Variants in PCA3 observed in about 807,000 individuals in gnomAD.
PCA3 encodes prostate cancer associated 3.
chr9:76,772,260 T>A (rs148968486), intron 2 of PCA3, among the ~76,000 whole-genome samples: 177 of 152,334 alleles, frequency 1.2e-3, no homozygotes, highest in African/African-American at 4.0e-3. Context: ...CATAGCTTCT[T>A]AGCTACTGGT....
intron 2 of PCA3, among the ~76,000 whole-genome samples, chr9:76,776,320 A>G (rs184373439): frequency 5.5e-4 from 83 of 151,536 alleles, no homozygotes; most frequent in Non-Finnish European, 8.7e-4. Flanking sequence ...CTCCGATGTT[A>G]TTATTTCACT....
intron 2 of PCA3, among the ~76,000 whole-genome samples, chr9:76,774,453 T>TTTTTATTTATTTATTTATTTA (rs1554761597): frequency 0.041 from 4,967 of 121,932 alleles, 293 homozygotes; most frequent in Non-Finnish European, 0.056. Flanking sequence ...TTCAACCCTT[T>TTTTTATTTATTTATTTATTTA]TTTTTTTTTT....
chr9:76,767,416 G>A (rs28642099), intron 2 of PCA3, among the ~76,000 whole-genome samples: 8,583 of 151,056 alleles, frequency 0.057, 782 homozygotes, highest in African/African-American at 0.19. Context: ...GTGCCACTGC[G>A]CTCCAGCCTG....
intron 2 of PCA3, among the ~76,000 whole-genome samples, chr9:76,768,174 C>G (rs2130875386): frequency 6.6e-6 from 1 of 151,782 alleles, no homozygotes; most frequent in East Asian, 2.0e-4. Context: ...TGCCCTTGAA[C>G]TAGTACTTCC....
chr9:76,771,703 A>C (rs1225115525), intron 2 of PCA3, among the ~76,000 whole-genome samples: 1 of 152,146 alleles, frequency 6.6e-6, no homozygotes, highest in East Asian at 1.9e-4. Flanking sequence ...AACAGGAAAA[A>C]CCAAACCTAA....
intron 2 of PCA3, among the ~76,000 whole-genome samples, chr9:76,775,923 T>C (rs983729772): frequency 6.6e-6 from 1 of 151,546 alleles, no homozygotes; most frequent in Non-Finnish European, 1.5e-5. Context: ...TGACTACACA[T>C]CCCTAAACCT....
intron 2 of PCA3, among the ~76,000 whole-genome samples, chr9:76,777,240 G>A (rs2053904804): frequency 2.0e-5 from 3 of 152,222 alleles, no homozygotes; most frequent in Admixed American, 2.0e-4. Flanking sequence ...CCACAATGAA[G>A]TAGGAGAGGG....
At chr9:76,768,123 C>T (rs571009119) in intron 2 of PCA3, among the ~76,000 whole-genome samples, 2 of 152,272 alleles carry the variant, frequency 1.3e-5, no homozygotes, top group East Asian at 3.9e-4. Flanking sequence ...AGGAGGATCA[C>T]ATAAGTCTAA....
intron 2 of PCA3, among the ~76,000 whole-genome samples, chr9:76,774,450 C>CTTTTTTTATTTATTTATTTATTTTT (rs1564272256): frequency 5.3e-4 from 22 of 41,402 alleles, no homozygotes; most frequent in South Asian, 9.9e-4. Context: ...CAGTTCAACC[C>CTTTTTTTATTTATTTATTTATTTTT]TTTTTTTTTT....
chr9:76,779,040 G>A (rs748844953), intron 2 of PCA3: 5 of 152,124 alleles, frequency 3.3e-5, no homozygotes, highest in Non-Finnish European at 7.3e-5. Flanking sequence ...TTTCTCCAGT[G>A]ATTTTTTTAT....
intron 2 of PCA3, among the ~76,000 whole-genome samples, chr9:76,766,354 T>C (rs140617325): frequency 6.6e-6 from 1 of 152,188 alleles, no homozygotes; most frequent in African/African-American, 2.4e-5. Context: ...AGTGGGTGGC[T>C]GTGTGCCTTG....
At chr9:76,771,880 G>T (rs2053154049) in intron 2 of PCA3, among the ~76,000 whole-genome samples, 1 of 152,152 alleles carries the variant, frequency 6.6e-6, no homozygotes, top group Admixed American at 6.5e-5. Flanking sequence ...GAAAGGAAAA[G>T]CCACTCTGGC....
At chr9:76,779,984 A>G (rs535361679) in intron 2 of PCA3, 4 of 152,354 alleles carry the variant, frequency 2.6e-5, no homozygotes, top group African/African-American at 9.6e-5. Context: ...GAAATATAGG[A>G]AGATTCTCGT....
chr9:76,766,827 C>T lies in PCA3; in HGVS notation n.852+30212C>T, dbSNP rs530116345. 1.5e-3 allele frequency among the ~76,000 whole-genome samples: 228 copies of T among 152,322 alleles called. 1 individual carries two copies. The highest frequency in any genetic ancestry group is 1.9e-3 in the Non-Finnish European group (130 of 68,030). On this transcript the variant is annotated intron_variant and non_coding_transcript_variant, in intron 2 of 5. Coordinates refer to ENST00000644657, the Ensembl canonical transcript of PCA3. ...ACATCACTTTCTCTGTGAGGGCTTT[C>T]TCTCCAAAGCACTGTTCTGCGGTCC...
At chr9:76,776,000 T>A (rs917602453) in intron 2 of PCA3, among the ~76,000 whole-genome samples, 1 of 152,194 alleles carries the variant, frequency 6.6e-6, no homozygotes, top group Non-Finnish European at 1.5e-5. Flanking sequence ...TTGGGAGGGA[T>A]AGGAATAAGA....
chr9:76,784,411 G>A (rs372454753), intron 2 of PCA3: 14 of 152,342 alleles, frequency 9.2e-5, no homozygotes, highest in African/African-American at 3.4e-4. Flanking sequence ...CCAAGCTGGG[G>A]AGGAGATAAC....
chr9:76,787,158 G>A (rs2055069405), intron 2 of PCA3: 1 of 151,704 alleles, frequency 6.6e-6, no homozygotes, highest in South Asian at 2.1e-4. Context: ...TTCAAAATCT[G>A]TCCTTGTAAA....
chr9:76,774,938 C>A (rs1442194363), intron 2 of PCA3, among the ~76,000 whole-genome samples: 1 of 152,132 alleles, frequency 6.6e-6, no homozygotes. Flanking sequence ...ATTTCCTCAT[C>A]TATGTAATGG....
At chr9:76,783,129 G>T (rs114409241) in intron 2 of PCA3, among the ~76,000 whole-genome samples, 2 of 151,984 alleles carry the variant, frequency 1.3e-5, no homozygotes, top group African/African-American at 4.8e-5. Flanking sequence ...ATCTGACTAT[G>T]CCTTTTTTTG....
Sources: gnomAD v4.1 joint callset for allele counts (sites outside exome capture counted in the v4.1 genomes callset) on GRCh38, gnomAD v4.1.1 for gene constraint, MANE v1.5 for transcripts, NCBI Gene and HGNC (gene_info 2026-07-23, HGNC 2026-07-21) for gene names.